The following CPA3 variants were observed in gnomAD, a reference collection of about 807,000 sequenced individuals.
CPA3 encodes the protein mast cell carboxypeptidase A.
A neutral mutation model predicts 55.8 loss-of-function variants in CPA3; 52 were observed. The ratio of observed to expected loss-of-function variants is 0.93; its 90% CI spans 0.75 to 1.17. CPA3 has a LOEUF of 1.17. Among genes scored for constraint, CPA3 ranks in the 50% most tolerant of loss-of-function variants. The pLI is 0.00. For synonymous variants in CPA3, 179 were observed against 171.2 expected, an observed-to-expected ratio of 1.05 and a Z score of -0.36; for missense variants, 547 against 509.1, an observed-to-expected ratio of 1.07 and a Z score of -0.72.
At chr3:148,875,252 C>T (rs1345606864) in intron 3 of CPA3, among the ~76,000 whole-genome samples, 1 of 152,170 alleles carries the variant, frequency 6.6e-6, no homozygotes, top group African/African-American at 2.4e-5. Flanking sequence ...AAAAAAAATA[C>T]ATGTGCATTT....
At chr3:148,889,253 A>G (rs80244444) in intron 10 of CPA3, among the ~76,000 whole-genome samples, 2,179 of 152,248 alleles carry the variant, frequency 0.014, 59 homozygotes, top group African/African-American at 0.049. Flanking sequence ...GTAAGAATAA[A>G]AAATAAAAAT....
rs186103356 is a variant in CPA3 at position 148,866,081 on chromosome 3, A to T, written c.144+533A>T. Among the ~76,000 whole-genome samples, 946 of 152,324 alleles carry T rather than the reference A, an allele frequency of 6.2e-3. 4 individuals are homozygous for T. The highest frequency in any genetic ancestry group is 9.7e-3 in the Non-Finnish European group (659 of 68,022). On this transcript the variant is annotated intron_variant, in intron 2 of 10. Transcript: ENST00000296046. ...ATTCAGCTGCTCCTATTTATGTTGC[A>T]CCAGCCACCTTATATATGCCATTTC...
intron 9 of CPA3, among the ~76,000 whole-genome samples, chr3:148,885,808 AC>A (rs1559970141): frequency 2.0e-5 from 3 of 152,076 alleles, no homozygotes; most frequent in Non-Finnish European, 4.4e-5. Flanking sequence ...GGTAAATTTG[AC>A]TTTTTTCATC....
intron 10 of CPA3, among the ~76,000 whole-genome samples, chr3:148,893,637 C>A (rs888517719): frequency 1.3e-5 from 2 of 152,124 alleles, no homozygotes; most frequent in Non-Finnish European, 2.9e-5. Context: ...GCTGAAATAT[C>A]CTACATTTGA....
intron 2 of CPA3, among the ~76,000 whole-genome samples, chr3:148,868,298 C>A (rs1484905451): frequency 1.3e-5 from 2 of 152,116 alleles, no homozygotes; most frequent in Non-Finnish European, 2.9e-5. Flanking sequence ...CACCTGTTAA[C>A]TGTCTTCATG....
intron 10 of CPA3, 56 bp from the exon 11 acceptor site, chr3:148,896,464 T>C: frequency 7.1e-7 from 1 of 1,408,510 alleles, no homozygotes; most frequent in African/African-American, 1.4e-5. Flanking sequence ...GATTTCCACT[T>C]TAAAAAAACA....
At chr3:148,886,000 C>T in intron 9 of CPA3, 93 bp from the exon 10 acceptor site, 1 of 836,122 alleles carries the variant, frequency 1.2e-6, no homozygotes. Context: ...ACCTGTAAGA[C>T]TCCATTAAAA....
intron 6 of CPA3, among the ~76,000 whole-genome samples, chr3:148,880,577 C>A (rs1025750746): frequency 6.6e-6 from 1 of 152,130 alleles, no homozygotes. Context: ...AGTAATCTGT[C>A]CCCCTCGGCC....
intron 3 of CPA3, among the ~76,000 whole-genome samples, chr3:148,872,235 G>A (rs2108030270): frequency 6.6e-6 from 1 of 152,238 alleles, no homozygotes; most frequent in Admixed American, 6.5e-5. Context: ...CAAACAGACT[G>A]GCAAACAAAT....
intron 10 of CPA3, among the ~76,000 whole-genome samples, chr3:148,892,959 GAA>G (rs370742640): frequency 7.1e-6 from 1 of 140,778 alleles, no homozygotes; most frequent in East Asian, 2.1e-4. Flanking sequence ...CATCTCAAAA[GAA>G]AAAAAAAAAT....
rs773590504 is a variant in CPA3, at chr3:148,878,763, A to G, written c.474+15A>G. The G allele has an allele frequency of 3.6e-6, 5 of 1,406,618 alleles. No individual in the cohort carries two copies. The highest frequency in any genetic ancestry group is 4.6e-5 in the East Asian group (2 of 43,880). The allele number at this position is 1,406,618 out of a possible 1,614,324, so 87.1% of individuals were successfully genotyped here. On this transcript the variant is annotated intron_variant, in intron 5 of 10. Transcript: ENST00000296046. Reference sequence around the variant, plus strand: ...ATGTTCTGAAGGTAAAAATAACTCAAGAACCACTAATTCTTATTACTGTTG... The same window carrying G: ...ATGTTCTGAAGGTAAAAATAACTCAGGAACCACTAATTCTTATTACTGTTG...
chr3:148,868,613 A>G (rs1713971692), intron 2 of CPA3, among the ~76,000 whole-genome samples: 1 of 152,156 alleles, frequency 6.6e-6, no homozygotes, highest in African/African-American at 2.4e-5. Flanking sequence ...TTCAATCCCA[A>G]AATTGTGGAA....
chr3:148,893,457 A>C (rs1003544075), intron 10 of CPA3, among the ~76,000 whole-genome samples: 9 of 152,216 alleles, frequency 5.9e-5, no homozygotes, highest in Admixed American at 2.6e-4. Context: ...TTAAAGACAG[A>C]GCAATATAAT....
At position 148,897,106 on chromosome 3, in the gene CPA3, A is replaced by C. The variant is rs920892676; in HGVS notation, c.*399A>C. The C allele has an allele frequency of 1.6e-4, 25 of 156,090 alleles. No homozygotes were observed. The highest frequency in any genetic ancestry group is 5.8e-4 in the Admixed American group (9 of 15,466). 9.7% of individuals were successfully genotyped at this position (156,090 alleles called of 1,614,324 possible). A position where few individuals can be genotyped will look rare whatever the true frequency, so the allele number is the denominator to read the frequency against. ...TTTAAAATTCATCTTTTTATGATAA[A>C]CTATATTCTCTGTATTTCTCTATAG... On this transcript the variant is annotated 3_prime_UTR_variant, in exon 11 of 11. Coordinates refer to ENST00000296046, the MANE Select transcript of CPA3 (RefSeq NM_001870.4).
intron 2 of CPA3, among the ~76,000 whole-genome samples, chr3:148,868,061 A>G (rs1713955975): frequency 6.6e-6 from 1 of 151,944 alleles, no homozygotes; most frequent in South Asian, 2.1e-4. Flanking sequence ...ATGCCTGGCT[A>G]ATTCTCTATT....
chr3:148,878,476 AAC>A lies in CPA3; in HGVS notation c.307_308del (p.Gln103ValfsTer2). ...CATGATCTACAAGAAGAGATTGAGA[AAC>A]AGTTTGATGTTAAAGAAGATATCCC... On this transcript the variant is annotated frameshift_variant, in exon 4 of 11. Coordinates refer to ENST00000296046, the MANE Select transcript of CPA3 (RefSeq NM_001870.4). LOFTEE classifies it high-confidence loss of function. The A allele has an allele frequency of 6.2e-7, 1 of 1,613,226 alleles. No individual in the cohort carries two copies. The highest frequency in any genetic ancestry group is 8.5e-7 in the Non-Finnish European group (1 of 1,179,244).
chr3:148,877,324 C>T (rs4681453), intron 3 of CPA3, among the ~76,000 whole-genome samples: 66,047 of 152,024 alleles, frequency 0.43, 16,643 homozygotes, highest in Non-Finnish European at 0.56. Context: ...GGAGAAACCC[C>T]GTCTCTACTC....
intron 2 of CPA3, 49 bp downstream of exon 2, chr3:148,865,597 A>T (rs1713879518): frequency 6.6e-7 from 1 of 1,508,686 alleles, no homozygotes; most frequent in African/African-American, 1.4e-5. Flanking sequence ...TCTCTAAAAG[A>T]TGCTTCTTCT....
chr3:148,869,259 G>A (rs1713994230), intron 3 of CPA3, among the ~76,000 whole-genome samples: 1 of 152,076 alleles, frequency 6.6e-6, no homozygotes, highest in African/African-American at 2.4e-5. Flanking sequence ...CCTTACATTT[G>A]CTCTTAGCTA....
Sources: gnomAD v4.1 joint callset for allele counts (sites outside exome capture counted in the v4.1 genomes callset) on GRCh38, gnomAD v4.1.1 for gene constraint, MANE v1.5 for transcripts, NCBI Gene and HGNC (gene_info 2026-07-23, HGNC 2026-07-21) for gene names.